The following SPTLC1 variants were observed in gnomAD, a reference collection of about 807,000 sequenced individuals.
SPTLC1 encodes the protein serine palmitoyltransferase 1.
A neutral mutation model predicts 68.9 loss-of-function variants in SPTLC1; 55 were observed. The observed-to-expected ratio is 0.80, with a 90% CI of 0.64 to 1.00. The LOEUF is 1.00. SPTLC1 is among the 50% of genes least tolerant of loss of function. SPTLC1 has a pLI of 0.00. For synonymous variants in SPTLC1, 197 were observed against 201.6 expected (o/e 0.98, Z 0.19); for missense variants, 449 against 573.1 (o/e 0.78, Z 2.21).
rs370987200 is a variant in SPTLC1, at chr9:92,080,410, G to T, written c.355-322C>A. On this transcript the variant is annotated intron_variant, in intron 4 of 14. Coordinates refer to ENST00000262554, the MANE Select transcript of SPTLC1 (RefSeq NM_006415.4). ...CTATTCTCTAGGTCTGGCCTGTTCA[G>T]TTCTGTGGTTGCTGCCTAACACTGA... Among the ~76,000 whole-genome samples, 3 of 152,330 alleles carry T rather than the reference G, an allele frequency of 2.0e-5. No individual in the cohort carries two copies. The East Asian group carries it at 5.8e-4, about 29-fold the overall frequency.
At chr9:92,050,924 T>C (rs1833685738) in intron 8 of SPTLC1, 3 of 931,058 alleles carry the variant, frequency 3.2e-6, no homozygotes, top group South Asian at 1.0e-4. Context: ...GTGATTCTCC[T>C]ACCTCCGCCA....
intron 12 of SPTLC1, among the ~76,000 whole-genome samples, chr9:92,040,901 CTG>C (rs2118393557): frequency 1.3e-5 from 2 of 152,252 alleles, no homozygotes; most frequent in South Asian, 4.1e-4. Flanking sequence ...TGCCTAGATG[CTG>C]AATGTCAGAT....
chr9:92,101,811 T>C (rs1587608963), intron 3 of SPTLC1, among the ~76,000 whole-genome samples: 2 of 151,354 alleles, frequency 1.3e-5, no homozygotes, highest in East Asian at 3.9e-4. Context: ...GATACTAAGA[T>C]AACAGATTTT....
intron 2 of SPTLC1, chr9:92,111,809 C>A (rs1422845522): frequency 6.6e-6 from 1 of 152,286 alleles, no homozygotes; most frequent in East Asian, 1.9e-4. Context: ...TTGTCTGCTG[C>A]AATGCAAAAG....
At chr9:92,101,339 G>A (rs1222973910) in intron 3 of SPTLC1, among the ~76,000 whole-genome samples, 1 of 151,866 alleles carries the variant, frequency 6.6e-6, no homozygotes, top group African/African-American at 2.4e-5. Context: ...GAGGTGGGCG[G>A]ATCACGAGGT....
At chr9:92,061,810 T>C (rs1176143810) in intron 6 of SPTLC1, among the ~76,000 whole-genome samples, 1 of 152,156 alleles carries the variant, frequency 6.6e-6, no homozygotes, top group Admixed American at 6.5e-5. Context: ...ATATGTGTAA[T>C]GTAACACTCA....
At chr9:92,079,094 T>G in intron 5 of SPTLC1, 1 of 816,426 alleles carries the variant, frequency 1.2e-6, no homozygotes, top group Non-Finnish European at 1.5e-6. Context: ...TTATTTATTT[T>G]TGAGACAGTC....
chr9:92,049,781 T>C (rs561107758), intron 9 of SPTLC1, among the ~76,000 whole-genome samples, 179 bp downstream of exon 9: 9 of 152,058 alleles, frequency 5.9e-5, no homozygotes, highest in East Asian at 5.8e-4. Context: ...GAAGATGGGG[T>C]TCCCTGGTCT....
intron 3 of SPTLC1, among the ~76,000 whole-genome samples, chr9:92,084,957 G>T (rs1835051961): frequency 6.6e-6 from 1 of 152,080 alleles, no homozygotes; most frequent in Admixed American, 6.6e-5. Flanking sequence ...ACTTCTTCCT[G>T]GTTTAGTCTT....
intron 5 of SPTLC1, chr9:92,079,628 C>G: frequency 7.1e-7 from 1 of 1,411,192 alleles, no homozygotes; most frequent in South Asian, 1.1e-5. Flanking sequence ...AATCTGCTCT[C>G]CACTTTCTTC....
intron 3 of SPTLC1, among the ~76,000 whole-genome samples, chr9:92,094,421 T>C (rs1835464143): frequency 6.6e-6 from 1 of 152,248 alleles, no homozygotes; most frequent in Non-Finnish European, 1.5e-5. Flanking sequence ...TTACACTACA[T>C]TTGTACTTAT....
intron 7 of SPTLC1, among the ~76,000 whole-genome samples, chr9:92,058,165 G>T (rs1427502948): frequency 6.6e-6 from 1 of 152,186 alleles, no homozygotes; most frequent in Non-Finnish European, 1.5e-5. Flanking sequence ...AATGTGAAAT[G>T]TTAGCCTAGA....
chr9:92,072,632 C>T (rs1403475827), intron 5 of SPTLC1, among the ~76,000 whole-genome samples: 1 of 152,188 alleles, frequency 6.6e-6, no homozygotes, highest in Non-Finnish European at 1.5e-5. Context: ...TCTTAGCTTT[C>T]ACCCAATCTA....
chr9:92,105,445 C>T, intron 3 of SPTLC1: 1 of 1,322,906 alleles, frequency 7.6e-7, no homozygotes, highest in Admixed American at 2.2e-5. Context: ...GTGGCCCACG[C>T]CTGTAATCCA....
intron 7 of SPTLC1, among the ~76,000 whole-genome samples, chr9:92,058,504 T>C (rs1833971082): frequency 1.3e-5 from 2 of 152,126 alleles, no homozygotes; most frequent in Non-Finnish European, 2.9e-5. Context: ...GGAAAATAAA[T>C]TGTAATTTTA....
chr9:92,102,040 A>G (rs7029539), intron 3 of SPTLC1, among the ~76,000 whole-genome samples: 46,502 of 151,998 alleles, frequency 0.31, 9,613 homozygotes, highest in African/African-American at 0.58. Context: ...ATTAGCAAGA[A>G]AGAAGCATCA....
rs1292829242 is a variant in SPTLC1, at chr9:92,095,134, A to G, written c.260+13606T>C. Among the ~76,000 whole-genome samples the G allele has an allele frequency of 2.0e-5, 3 of 152,338 alleles. No homozygotes were observed. In the East Asian group the frequency reaches 5.8e-4, roughly 29 times the overall value. Reference sequence around the variant, plus strand: ...CTGGGAATCCAGTAAAAAAACAGGTAAAAGATATGAAGAGGCATTCAAAGA... The same window carrying G: ...CTGGGAATCCAGTAAAAAAACAGGTGAAAGATATGAAGAGGCATTCAAAGA... On this transcript the variant is annotated intron_variant, in intron 3 of 14. Coordinates refer to ENST00000262554, the MANE Select transcript of SPTLC1 (RefSeq NM_006415.4).
chr9:92,106,711 C>T (rs1029770176), intron 3 of SPTLC1, among the ~76,000 whole-genome samples: 1 of 152,086 alleles, frequency 6.6e-6, no homozygotes, highest in African/African-American at 2.4e-5. Flanking sequence ...CCTAACTCTT[C>T]CCTGGCTCTT....
intron 8 of SPTLC1, among the ~76,000 whole-genome samples, chr9:92,054,911 G>A (rs566024272): frequency 3.3e-5 from 5 of 150,170 alleles, no homozygotes; most frequent in Middle Eastern, 3.5e-3. Flanking sequence ...ACTGTCTTGC[G>A]GGGGAGAAAA....
Sources: allele counts gnomAD v4.1 joint callset (sites outside exome capture counted in the v4.1 genomes callset), GRCh38; gene constraint gnomAD v4.1.1; transcripts MANE v1.5; gene names NCBI Gene and HGNC (gene_info 2026-07-23, HGNC 2026-07-21).